Variants in DLG2 observed in about 807,000 individuals in gnomAD.
DLG2 encodes discs large MAGUK scaffold protein 2.
In DLG2, 45 loss-of-function variants were observed where a neutral mutation model predicts 132.5. That is an observed-to-expected ratio of 0.34 (90% CI 0.27 to 0.44). DLG2 has a LOEUF of 0.44. DLG2 is among the 20% of genes least tolerant of loss of function. The pLI, the probability that DLG2 is intolerant of heterozygous loss-of-function variation, is 1.00. For synonymous variants in DLG2, 424 were observed against 419.6 expected (o/e 1.01, Z -0.13); for missense variants, 1,045 against 1,196.9 (o/e 0.87, Z 1.87).
At chr11:84,744,217 A>G (rs2153827283) in intron 6 of DLG2, among the ~76,000 whole-genome samples, 1 of 152,314 alleles carries the variant, frequency 6.6e-6, no homozygotes, top group South Asian at 2.1e-4. Flanking sequence ...GAGCTACTAA[A>G]TATATTGAAT....
At chr11:83,720,864 G>T (rs962311197) in intron 18 of DLG2, 9 of 151,190 alleles carry the variant, frequency 6.0e-5, no homozygotes, top group African/African-American at 2.2e-4. Context: ...GCATTTGAGA[G>T]AACTTCTCTG....
chr11:83,825,507 T>C (rs1364510833), intron 17 of DLG2, among the ~76,000 whole-genome samples: 1 of 152,006 alleles, frequency 6.6e-6, no homozygotes, highest in Non-Finnish European at 1.5e-5. Context: ...TTAACATATA[T>C]TATACAGCCG....
Position 83,911,239 on chromosome 11 carries a change from G to C in DLG2, c.1496+19089C>G, listed in dbSNP as rs752856548. Among the ~76,000 whole-genome samples the C allele has an allele frequency of 1.9e-4, 29 of 152,076 alleles. 1 individual carries two copies. The highest frequency in any genetic ancestry group is 1.8e-3 in the Admixed American group (28 of 15,248). ...GAGGAAGGAACAGGGGAATGAAGCTGACAATAGACAGAACTGCCTGAATTG... is the reference window on the plus strand; with the variant it reads ...GAGGAAGGAACAGGGGAATGAAGCTCACAATAGACAGAACTGCCTGAATTG... On this transcript the variant is annotated intron_variant, in intron 15 of 27. Coordinates refer to ENST00000376104, the MANE Select transcript of DLG2 (RefSeq NM_001142699.3).
intron 8 of DLG2, among the ~76,000 whole-genome samples, chr11:84,188,901 C>G (rs1159767043): frequency 6.6e-6 from 1 of 152,104 alleles, no homozygotes; most frequent in Non-Finnish European, 1.5e-5. Context: ...TTTTGAAAGC[C>G]CTTTGAAGTG....
At chr11:85,149,696 T>C (rs1431216719) in intron 5 of DLG2, among the ~76,000 whole-genome samples, 1 of 152,226 alleles carries the variant, frequency 6.6e-6, no homozygotes, top group Non-Finnish European at 1.5e-5. Flanking sequence ...GTAGTGTTTG[T>C]GTTGCTTTAG....
chr11:85,395,699 G>T (rs1483944069), intron 3 of DLG2, among the ~76,000 whole-genome samples: 5 of 141,660 alleles, frequency 3.5e-5, no homozygotes, highest in African/African-American at 1.0e-4. Context: ...AGCTTGACAG[G>T]GGGAGGGGCG....
chr11:84,375,698 G>A (rs2098726294), intron 7 of DLG2, among the ~76,000 whole-genome samples: 2 of 151,704 alleles, frequency 1.3e-5, no homozygotes, highest in Non-Finnish European at 2.9e-5. Flanking sequence ...GTGTTAGCTG[G>A]CCATATTTTA....
intron 15 of DLG2, among the ~76,000 whole-genome samples, chr11:83,906,253 TCTCTCACA>T (rs1229611697): frequency 7.2e-5 from 7 of 96,744 alleles, no homozygotes; most frequent in African/African-American, 2.1e-4. Flanking sequence ...TCTCTCTCTC[TCTCTCACA>T]CACACACACA....
At chr11:85,456,561 G>A (rs981355469) in intron 3 of DLG2, among the ~76,000 whole-genome samples, 3 of 152,056 alleles carry the variant, frequency 2.0e-5, no homozygotes, top group African/African-American at 4.8e-5. Context: ...GTGATGTTAG[G>A]TTGTTAATTT....
At chr11:83,911,789 GA>G (rs1240061287) in intron 15 of DLG2, among the ~76,000 whole-genome samples, 1 of 151,748 alleles carries the variant, frequency 6.6e-6, no homozygotes, top group African/African-American at 2.4e-5. Flanking sequence ...TAATTTAGAG[GA>G]AAAAAACCTT....
chr11:83,889,062 T>G (rs978567527), intron 15 of DLG2, among the ~76,000 whole-genome samples: 1 of 152,048 alleles, frequency 6.6e-6, no homozygotes, highest in Non-Finnish European at 1.5e-5. Context: ...ACTTCATGTC[T>G]AAAACACCAA....
intron 7 of DLG2, among the ~76,000 whole-genome samples, chr11:84,331,441 CAAA>C (rs71465960): frequency 2.6e-4 from 31 of 119,770 alleles, no homozygotes; most frequent in South Asian, 1.1e-3. Flanking sequence ...TTACTTATCT[CAAA>C]AAAAAAAAAA....
intron 4 of DLG2, among the ~76,000 whole-genome samples, chr11:85,267,558 T>G (rs2077290393): frequency 1.3e-5 from 2 of 152,144 alleles, no homozygotes; most frequent in African/African-American, 2.4e-5. Flanking sequence ...AGAATTGATG[T>G]TGTCAAATAA....
chr11:84,545,019 T>C (rs780284231), intron 6 of DLG2: 14 of 429,610 alleles, frequency 3.3e-5, no homozygotes, highest in Non-Finnish European at 5.0e-5. Flanking sequence ...GTTTTCTTTG[T>C]AGCAGCTAGG....
chr11:83,589,014 C>T (rs368631456), intron 19 of DLG2, among the ~76,000 whole-genome samples: 4 of 146,714 alleles, frequency 2.7e-5, no homozygotes, highest in Non-Finnish European at 4.5e-5. Flanking sequence ...CTACGTCTGA[C>T]TGGTGTACCT....
In DLG2 at chr11:83,532,802, A is replaced by G. The variant is rs189954058; in HGVS notation, c.2118-19T>C. 7.5e-5 allele frequency: 120 copies of G among 1,607,558 alleles called. 2 individuals carry two copies. The East Asian group carries it at 1.3e-3, about 17-fold the overall frequency. On this transcript the variant is annotated intron_variant, in intron 20 of 27. Transcript: ENST00000376104. ...TTCCACCCTAAAGCAAATTGAGAAT[A>G]AAGAGTCTCTCACGTGACAAGGCAT...
At chr11:84,861,055 A>T (rs1383273435) in intron 6 of DLG2, among the ~76,000 whole-genome samples, 1 of 152,144 alleles carries the variant, frequency 6.6e-6, no homozygotes, top group Non-Finnish European at 1.5e-5. Flanking sequence ...GCAAAGAAGT[A>T]AACAACCACA....
intron 4 of DLG2, among the ~76,000 whole-genome samples, chr11:85,175,178 G>A (rs1273954112): frequency 6.6e-6 from 1 of 152,014 alleles, no homozygotes; most frequent in Non-Finnish European, 1.5e-5. Context: ...GAAAACTTCA[G>A]GCCAATATTC....
intron 3 of DLG2, among the ~76,000 whole-genome samples, chr11:85,450,695 A>C (rs1312903180): frequency 2.6e-5 from 4 of 152,154 alleles, no homozygotes; most frequent in Admixed American, 1.3e-4. Context: ...TTTTACTCTC[A>C]TCATTACATT....
Sources: gnomAD v4.1 joint callset for allele counts (sites outside exome capture counted in the v4.1 genomes callset) on GRCh38, gnomAD v4.1.1 for gene constraint, MANE v1.5 for transcripts, NCBI Gene and HGNC (gene_info 2026-07-23, HGNC 2026-07-21) for gene names.